Variants in ROBO2 observed in about 807,000 individuals in gnomAD.
ROBO2 encodes roundabout homolog 2.
ROBO2 carries 53 observed loss-of-function variants against 160.8 expected under a neutral mutation model. The ratio of observed to expected loss-of-function variants is 0.33; its 90% CI spans 0.26 to 0.41. The LOEUF (loss-of-function observed/expected upper bound fraction) is 0.41, where lower values mean the gene tolerates loss of function less well. Among genes scored for constraint, ROBO2 ranks in the 10% least tolerant of loss-of-function variants. The probability of loss-of-function intolerance (pLI) is 1.00; values close to 1 mark genes in which losing one functional copy is unlikely to be tolerated. For synonymous variants in ROBO2, 664 were observed against 611.7 expected (o/e 1.09, Z -1.26); for missense variants, 1,577 against 1,722.4 (o/e 0.92, Z 1.49).
intron 2 of ROBO2, among the ~76,000 whole-genome samples, chr3:76,405,830 G>T (rs1256846057): frequency 2.6e-5 from 4 of 151,670 alleles, no homozygotes; most frequent in African/African-American, 9.7e-5. Flanking sequence ...TTGCCAGGTG[G>T]TGCATATGGA....
chr3:77,199,559 A>AG (rs1560215873), intron 2 of ROBO2, among the ~76,000 whole-genome samples: 1 of 151,462 alleles, frequency 6.6e-6, no homozygotes, highest in Non-Finnish European at 1.5e-5. Flanking sequence ...TAGCTGATTC[A>AG]TCTATTCATA....
chr3:76,218,367 C>A (rs1703711683), intron 2 of ROBO2, among the ~76,000 whole-genome samples: 1 of 152,132 alleles, frequency 6.6e-6, no homozygotes, highest in Non-Finnish European at 1.5e-5. Context: ...AAGAGGAAGT[C>A]AAATTGTCCC....
intron 2 of ROBO2, among the ~76,000 whole-genome samples, chr3:76,994,197 A>G (rs999468206): frequency 1.3e-5 from 2 of 152,184 alleles, no homozygotes; most frequent in African/African-American, 4.8e-5. Flanking sequence ...AGGAGAAAAT[A>G]TCTTTCACTT....
intron 2 of ROBO2, among the ~76,000 whole-genome samples, chr3:76,963,106 T>G (rs939497046): frequency 1.5e-4 from 23 of 151,980 alleles, no homozygotes; most frequent in African/African-American, 5.1e-4. Flanking sequence ...TTTAAAATAT[T>G]AATCTCTGGA....
intron 2 of ROBO2, among the ~76,000 whole-genome samples, chr3:76,949,717 C>T (rs1036439452): frequency 2.0e-5 from 3 of 152,110 alleles, no homozygotes; most frequent in African/African-American, 7.2e-5. Flanking sequence ...TAAGATCTGC[C>T]CCTTGCTCCC....
chr3:76,498,841 A>G lies in ROBO2; in HGVS notation c.109+561239A>G, dbSNP rs371674930. On this transcript the variant is annotated intron_variant, in intron 2 of 26. Coordinates refer to the ROBO2 transcript ENST00000487694. ...ATAGCTGGGATTACAGGAACCCACC[A>G]CCATGCCTGGCTGATTTTTGTATTT... 2.4e-3 allele frequency among the ~76,000 whole-genome samples: 369 copies of G among 152,068 alleles called. 3 individuals are homozygous for G. Among genetic ancestry groups the G allele is most frequent in the South Asian group, 0.014 (69 of 4,820 alleles).
chr3:77,550,146 T>C (rs1410794782), intron 7 of ROBO2, among the ~76,000 whole-genome samples: 1 of 152,060 alleles, frequency 6.6e-6, no homozygotes, highest in Non-Finnish European at 1.5e-5. Flanking sequence ...AAAAAGAAAG[T>C]AATATTATGA....
intron 2 of ROBO2, among the ~76,000 whole-genome samples, chr3:77,027,255 C>T (rs966894307): frequency 6.6e-6 from 1 of 152,138 alleles, no homozygotes; most frequent in East Asian, 1.9e-4. Flanking sequence ...ATGACAACAT[C>T]ATATTACAAA....
At chr3:76,096,356 A>C (rs1028758289) in intron 2 of ROBO2, among the ~76,000 whole-genome samples, 2 of 152,230 alleles carry the variant, frequency 1.3e-5, no homozygotes, top group African/African-American at 4.8e-5. Context: ...AAGAGAAATT[A>C]AACTAATCTT....
At chr3:76,622,343 T>C (rs1334211084) in intron 2 of ROBO2, among the ~76,000 whole-genome samples, 3 of 150,598 alleles carry the variant, frequency 2.0e-5, no homozygotes, top group Non-Finnish European at 4.4e-5. Context: ...TGCATACCTG[T>C]AGTCCCAGCT....
At chr3:76,797,964 G>A (rs1382095962) in intron 2 of ROBO2, among the ~76,000 whole-genome samples, 1 of 151,722 alleles carries the variant, frequency 6.6e-6, no homozygotes, top group Non-Finnish European at 1.5e-5. Context: ...CGAGGACTCT[G>A]TGGTTTAAAT....
At chr3:77,274,105 A>G (rs960195828) in intron 2 of ROBO2, among the ~76,000 whole-genome samples, 1 of 152,132 alleles carries the variant, frequency 6.6e-6, no homozygotes, top group African/African-American at 2.4e-5. Context: ...GTTACTAGGT[A>G]TTTGAATAGA....
At chr3:76,991,471 T>C (rs1299858999) in intron 2 of ROBO2, among the ~76,000 whole-genome samples, 1 of 152,220 alleles carries the variant, frequency 6.6e-6, no homozygotes, top group Non-Finnish European at 1.5e-5. Context: ...CTCATATATC[T>C]ACAACCACTA....
chr3:77,342,752 C>T (rs1423098553), intron 2 of ROBO2, among the ~76,000 whole-genome samples: 1 of 152,126 alleles, frequency 6.6e-6, no homozygotes, highest in Non-Finnish European at 1.5e-5. Context: ...CTCATTGTGT[C>T]CCTTGTTGCA....
intron 2 of ROBO2, among the ~76,000 whole-genome samples, chr3:77,423,322 T>A (rs2153534165): frequency 6.6e-6 from 1 of 152,276 alleles, no homozygotes; most frequent in Non-Finnish European, 1.5e-5. Flanking sequence ...CATTATTTTA[T>A]AAGAAGTAGA....
chr3:76,321,463 A>G (rs889340549), intron 2 of ROBO2, among the ~76,000 whole-genome samples: 7 of 151,798 alleles, frequency 4.6e-5, no homozygotes, highest in Admixed American at 3.9e-4. Flanking sequence ...ATGCCACTGC[A>G]CTCCAGCCTG....
At chr3:77,255,320 G>A (rs938868057) in intron 2 of ROBO2, among the ~76,000 whole-genome samples, 1 of 152,204 alleles carries the variant, frequency 6.6e-6, no homozygotes, top group Admixed American at 6.5e-5. Flanking sequence ...ATTCTGTAAA[G>A]TGCGTGAAGT....
chr3:76,811,390 A>C (rs935924706), intron 2 of ROBO2, among the ~76,000 whole-genome samples: 2 of 152,200 alleles, frequency 1.3e-5, no homozygotes, highest in East Asian at 3.9e-4. Context: ...CATACCTTAA[A>C]AGGATGAAAT....
intron 2 of ROBO2, among the ~76,000 whole-genome samples, chr3:75,982,800 T>TA (rs1454391415): frequency 6.6e-6 from 1 of 151,360 alleles, no homozygotes; most frequent in African/African-American, 2.4e-5. Context: ...CCAATCAGCT[T>TA]AAGAGCATTT....
Sources: allele counts gnomAD v4.1 joint callset (sites outside exome capture counted in the v4.1 genomes callset), GRCh38; gene constraint gnomAD v4.1.1; transcripts MANE v1.5; gene names NCBI Gene and HGNC (gene_info 2026-07-23, HGNC 2026-07-21).